The following SAXO4 variants were observed in gnomAD, a reference collection of about 807,000 sequenced individuals.
The protein encoded by SAXO4 is protein phosphatase 1 regulatory subunit 32.
the SAXO4 span, chr11:61,490,626 G>T: frequency 2.6e-6 from 4 of 1,532,924 alleles, no homozygotes; most frequent in Non-Finnish European, 3.6e-6. Flanking sequence ...CTCTGGTTGT[G>T]TGGGCAACCG....
At chr11:61,481,948 C>T in the SAXO4 span, 1 of 1,451,768 alleles carries the variant, frequency 6.9e-7, no homozygotes, top group Non-Finnish European at 9.5e-7. Flanking sequence ...GGAGCCTCTG[C>T]TAGGACATGG....
chr11:61,482,303 T>C, the SAXO4 span: 4 of 1,613,544 alleles, frequency 2.5e-6, no homozygotes, highest in Middle Eastern at 1.7e-4. Context: ...CCGTTACCCC[T>C]CTGGCAGGTC....
At chr11:61,487,233 A>C in the SAXO4 span, 1 of 1,613,806 alleles carries the variant, frequency 6.2e-7, no homozygotes, top group Non-Finnish European at 8.5e-7. Context: ...GACCACCTAC[A>C]ACCAAGGGTG....
At chr11:61,483,690 G>T in the SAXO4 span, among the ~76,000 whole-genome samples, 1 of 152,058 alleles carries the variant, frequency 6.6e-6, no homozygotes, top group Non-Finnish European at 1.5e-5. Context: ...AGGTGCGATG[G>T]CTCACACCTG....
At chr11:61,487,552 G>A in the SAXO4 span, among the ~76,000 whole-genome samples, 1 of 152,224 alleles carries the variant, frequency 6.6e-6, no homozygotes, top group East Asian at 1.9e-4. Flanking sequence ...AGTCAAAGGT[G>A]AGAGAGCTGG....
the SAXO4 span, chr11:61,489,661 G>A: frequency 2.1e-5 from 22 of 1,027,488 alleles, no homozygotes; most frequent in Non-Finnish European, 2.9e-5. Flanking sequence ...AGAGCTAGAC[G>A]AGGACAGCAT....
chr11:61,486,699 G>T, the SAXO4 span: 1 of 1,282,516 alleles, frequency 7.8e-7, no homozygotes, highest in Non-Finnish European at 1.1e-6. Context: ...ATTGAAGAAT[G>T]AGAAGAATTA....
chr11:61,483,154 ATTTCTT>A, the SAXO4 span, among the ~76,000 whole-genome samples: 1 of 130,328 alleles, frequency 7.7e-6, no homozygotes, highest in Non-Finnish European at 1.6e-5. Flanking sequence ...CATCTTTTTC[ATTTCTT>A]TTTCTTTTTT....
the SAXO4 span, among the ~76,000 whole-genome samples, chr11:61,485,177 C>T: frequency 6.6e-6 from 1 of 152,106 alleles, no homozygotes; most frequent in Admixed American, 6.5e-5. Context: ...ATTCCTGGCC[C>T]TGCGATGTCC....
chr11:61,487,630 G>C, the SAXO4 span, among the ~76,000 whole-genome samples: 1 of 152,242 alleles, frequency 6.6e-6, no homozygotes, highest in Non-Finnish European at 1.5e-5. Context: ...TTAAAGCCCA[G>C]GTGCCTCCTT....
the SAXO4 span, among the ~76,000 whole-genome samples, chr11:61,487,509 AACAGTGTAAAGC>A: frequency 6.6e-6 from 1 of 152,196 alleles, no homozygotes; most frequent in African/African-American, 2.4e-5. Context: ...AACTCTAGAA[AACAGTGTAAAGC>A]ACACAACTCA....
the SAXO4 span, chr11:61,482,577 G>A: frequency 1.2e-6 from 2 of 1,604,208 alleles, no homozygotes; most frequent in African/African-American, 1.3e-5. Context: ...ATCTGTGGGA[G>A]GGTGCAGGGA....
At chr11:61,485,363 A>G in the SAXO4 span, 1 of 1,614,084 alleles carries the variant, frequency 6.2e-7, no homozygotes, top group Non-Finnish European at 8.5e-7. Context: ...ACGTCGGAGT[A>G]CAATTCCAAG....
the SAXO4 span, chr11:61,482,793 T>TC: frequency 6.2e-7 from 1 of 1,609,002 alleles, no homozygotes; most frequent in Non-Finnish European, 8.5e-7. Flanking sequence ...CCAGTGCGGG[T>TC]CCCCCCACCA....
chr11:61,487,866 G>A, the SAXO4 span, among the ~76,000 whole-genome samples: 1 of 152,194 alleles, frequency 6.6e-6, no homozygotes, highest in East Asian at 1.9e-4. Flanking sequence ...GACTGTCCTG[G>A]GCATCAGGGA....
chr11:61,490,716 G>T, the SAXO4 span: 4 of 755,142 alleles, frequency 5.3e-6, no homozygotes, highest in Middle Eastern at 2.9e-4. Context: ...GGGGGTGACA[G>T]ATCAGGGGGC....
At chr11:61,482,898 A>G in the SAXO4 span, 1 of 1,382,594 alleles carries the variant, frequency 7.2e-7, no homozygotes, top group Non-Finnish European at 9.6e-7. Context: ...GGTGGAGGTG[A>G]CAGGGCATGG....
At chr11:61,486,910 C>A in the SAXO4 span, 1 of 1,570,550 alleles carries the variant, frequency 6.4e-7, no homozygotes, top group Non-Finnish European at 8.8e-7. Flanking sequence ...TCAGGCTGGC[C>A]ACCTCAGCCT....
At chr11:61,483,113 C>A in the SAXO4 span, among the ~76,000 whole-genome samples, 1 of 151,586 alleles carries the variant, frequency 6.6e-6, no homozygotes, top group Non-Finnish European at 1.5e-5. Flanking sequence ...CTACTACCAC[C>A]ACTGTCCCCC....
Sources: gnomAD v4.1 joint callset for allele counts (sites outside exome capture counted in the v4.1 genomes callset) on GRCh38, gnomAD v4.1.1 for gene constraint, MANE v1.5 for transcripts, NCBI Gene and HGNC (gene_info 2026-07-23, HGNC 2026-07-21) for gene names.